Variants in FBXO11 observed in about 807,000 individuals in gnomAD.
The protein encoded by FBXO11 is F-box only protein 11.
FBXO11 carries 13 observed loss-of-function variants against 117.0 expected under a neutral mutation model. The ratio of observed to expected loss-of-function variants is 0.11; its 90% CI spans 0.07 to 0.18. The LOEUF is 0.18. FBXO11 is among the 10% of genes least tolerant of loss of function. The pLI, the probability that FBXO11 is intolerant of heterozygous loss-of-function variation, is 1.00. For missense variants in FBXO11, 767 were observed against 1,164.4 expected, an observed-to-expected ratio of 0.66 and a Z score of 4.97; for synonymous variants, 490 against 380.5, an observed-to-expected ratio of 1.29 and a Z score of -3.35.
rs1678800845 is a variant in FBXO11 at position 47,906,170 on chromosome 2, G to C, written c.-450C>G. 1 of 185,854 alleles carries C rather than the reference G, an allele frequency of 5.4e-6. No individual in the cohort carries two copies. The highest frequency in any genetic ancestry group is 1.1e-5 in the Non-Finnish European group (1 of 88,498). The allele number at this position is 185,854 out of a possible 1,614,324, so 11.5% of individuals were successfully genotyped here. On this transcript the variant is annotated 5_prime_UTR_variant, in exon 1 of 23. Coordinates refer to ENST00000403359, the MANE Select transcript of FBXO11 (RefSeq NM_001190274.2). The stretch of plus-strand genomic sequence containing the variant: ...GGAGTGGGCGGGCGGGTGAGGAAGG[G>C]AGAAAAAGAGAGGGAGAGAAGGGAG...
At chr2:47,877,079 G>A (rs1676060892) in intron 1 of FBXO11, among the ~76,000 whole-genome samples, 1 of 149,650 alleles carries the variant, frequency 6.7e-6, no homozygotes, top group South Asian at 2.1e-4. Flanking sequence ...CTGTTGCCCT[G>A]GCTGTAGTGC....
At chr2:47,865,561 C>A (rs774491018) in intron 1 of FBXO11, among the ~76,000 whole-genome samples, 46 of 152,170 alleles carry the variant, frequency 3.0e-4, no homozygotes, top group Non-Finnish European at 6.3e-4. Context: ...TAGATGCTTA[C>A]CTGTAGACTT....
intron 1 of FBXO11, among the ~76,000 whole-genome samples, chr2:47,866,400 A>G (rs1340802633): frequency 6.6e-6 from 1 of 152,110 alleles, no homozygotes; most frequent in African/African-American, 2.4e-5. Context: ...AGGGTATCTA[A>G]AAGTTCTTCC....
At position 47,856,696 on chromosome 2, in the gene FBXO11, T is replaced by A. The variant is rs143512887; in HGVS notation, c.233-16927A>T. ...GCACTATAGAGGTAAAATGTCCATA[T>A]TCGTAAGGTGAACATTTACTTTTTA... is the stretch of plus-strand genomic sequence containing the variant. On this transcript the variant is annotated intron_variant, in intron 1 of 22. Transcript: ENST00000403359. Among the ~76,000 whole-genome samples, 528 of 152,366 alleles carry A rather than the reference T, an allele frequency of 3.5e-3. 4 individuals are homozygous for A. The highest frequency in any genetic ancestry group is 0.012 in the African/African-American group (497 of 41,582).
chr2:47,809,583 A>C lies in FBXO11; in HGVS notation c.2446+17T>G, dbSNP rs772509139. 19 of 1,542,888 alleles carry C rather than the reference A, an allele frequency of 1.2e-5. No individual in the cohort carries two copies. The highest frequency in any genetic ancestry group is 1.6e-5 in the Non-Finnish European group (18 of 1,116,926). ...GCATATTGCATATATTTATAGGTAT[A>C]GCAGACTCCAACATACCTTTCATTG... On this transcript the variant is annotated intron_variant, in intron 20 of 22. Coordinates refer to ENST00000403359, the MANE Select transcript of FBXO11 (RefSeq NM_001190274.2).
At chr2:47,892,013 A>G (rs1677293568) in intron 1 of FBXO11, among the ~76,000 whole-genome samples, 1 of 152,150 alleles carries the variant, frequency 6.6e-6, no homozygotes, top group South Asian at 2.1e-4. Flanking sequence ...TATTTTGGAG[A>G]TTAACTCCTT....
intron 16 of FBXO11, among the ~76,000 whole-genome samples, chr2:47,817,292 T>C (rs546072267): frequency 4.9e-4 from 75 of 152,366 alleles, no homozygotes; most frequent in African/African-American, 1.8e-3. Context: ...GTCCTTGCTC[T>C]GGATTAGGAA....
rs113106581 is a variant in FBXO11, at chr2:47,822,205, A to G, written c.1702+13T>C. On this transcript the variant is annotated intron_variant, in intron 13 of 22. Transcript: ENST00000403359. ...AAATCTATAAGTTTTATAGAACAAA[A>G]CCATACGCTTACCATAAATGTCATT... 5.8e-6 allele frequency: 9 copies of G among 1,555,858 alleles called. No individual in the cohort carries two copies. The highest frequency in any genetic ancestry group is 7.0e-6 in the Non-Finnish European group (8 of 1,140,618).
chr2:47,836,653 C>G (rs1672582646), intron 4 of FBXO11, among the ~76,000 whole-genome samples: 1 of 151,758 alleles, frequency 6.6e-6, no homozygotes, highest in Non-Finnish European at 1.5e-5. Context: ...CACAATGTAA[C>G]TGCGTATGAA....
chr2:47,904,136 G>A (rs953754175), intron 1 of FBXO11, among the ~76,000 whole-genome samples: 2 of 152,094 alleles, frequency 1.3e-5, no homozygotes, highest in East Asian at 1.9e-4. Flanking sequence ...CAATGAAACC[G>A]TTTTTAAGGA....
At chr2:47,857,751 G>A (rs77268227) in intron 1 of FBXO11, among the ~76,000 whole-genome samples, 4,998 of 152,186 alleles carry the variant, frequency 0.033, 113 homozygotes, top group Non-Finnish European at 0.05. Context: ...AAGTCTTCAG[G>A]AACTCAAAGT....
chr2:47,852,911 A>G (rs940602414), intron 1 of FBXO11, among the ~76,000 whole-genome samples: 10 of 152,282 alleles, frequency 6.6e-5, no homozygotes, highest in Middle Eastern at 3.4e-3. Flanking sequence ...GCAGAGGCAG[A>G]ATTTTAAATC....
At position 47,846,199 on chromosome 2, in the gene FBXO11, G is replaced by A. The variant is rs367699191; in HGVS notation, c.233-6430C>T. Among the ~76,000 whole-genome samples the A allele has an allele frequency of 7.2e-5, 11 of 152,308 alleles. No homozygotes were observed. In the South Asian group the frequency reaches 2.3e-3, roughly 32 times the overall value. Reference sequence around the variant, plus strand: ...AAAATAATTTTGGCCAGGCGTGGTGGCTCATGCCTGTAAATCCCAGCACTT... The same window carrying A: ...AAAATAATTTTGGCCAGGCGTGGTGACTCATGCCTGTAAATCCCAGCACTT... On this transcript the variant is annotated intron_variant, in intron 1 of 22. Coordinates refer to ENST00000403359, the MANE Select transcript of FBXO11 (RefSeq NM_001190274.2).
intron 1 of FBXO11, chr2:47,865,949 C>G (rs1028380173): frequency 2.0e-5 from 3 of 152,106 alleles, no homozygotes; most frequent in African/African-American, 7.2e-5. Flanking sequence ...AGCAAAGATA[C>G]TTTTAAAAAC....
chr2:47,814,186 G>T (rs573679931), intron 16 of FBXO11: 84 of 247,630 alleles, frequency 3.4e-4, no homozygotes, highest in Non-Finnish European at 5.6e-4. Context: ...ATAACTGCAG[G>T]TTCCGTTCCA....
chr2:47,860,069 A>G (rs554482759), intron 1 of FBXO11, among the ~76,000 whole-genome samples: 1 of 152,298 alleles, frequency 6.6e-6, no homozygotes, highest in East Asian at 1.9e-4. Flanking sequence ...GTCTGTTTTT[A>G]AAGTAAGAGT....
chr2:47,891,855 T>A (rs534042089), intron 1 of FBXO11, among the ~76,000 whole-genome samples: 1 of 152,322 alleles, frequency 6.6e-6, no homozygotes, highest in Admixed American at 6.5e-5. Context: ...TTATTTGCAT[T>A]TCCCTGATGA....
rs1678822879 is a variant in FBXO11 at position 47,906,456 on chromosome 2, T to C, written c.-736A>G. 1.3e-5 allele frequency among the ~76,000 whole-genome samples: 2 copies of C among 151,810 alleles called. No individual in the cohort carries two copies. Among genetic ancestry groups the C allele is most frequent in the South Asian group, 4.1e-4 (2 of 4,832 alleles). On this transcript the variant is annotated 5_prime_UTR_variant, in exon 1 of 23. Coordinates refer to ENST00000403359, the MANE Select transcript of FBXO11 (RefSeq NM_001190274.2). ...CGCCGCTGCTTCTGCTGCTGCTCCG[T>C]GGCAGGAGGAGCCATTGACACCGCC...
intron 1 of FBXO11, among the ~76,000 whole-genome samples, chr2:47,871,000 T>A (rs113255688): frequency 0.019 from 2,845 of 152,310 alleles, 81 homozygotes; most frequent in African/African-American, 0.062. Flanking sequence ...ACACTTGGCA[T>A]TATCCTCCGC....
Sources: allele counts gnomAD v4.1 joint callset (sites outside exome capture counted in the v4.1 genomes callset), GRCh38; gene constraint gnomAD v4.1.1; transcripts MANE v1.5; gene names NCBI Gene and HGNC (gene_info 2026-07-23, HGNC 2026-07-21).